The following C9 variants were observed in gnomAD, a reference collection of about 807,000 sequenced individuals.
C9 encodes the protein complement C9.
C9 carries 63 observed loss-of-function variants against 65.4 expected under a neutral mutation model. That is an observed-to-expected ratio of 0.96 (90% CI 0.79 to 1.19). C9 has a LOEUF of 1.19. C9 is among the 50% of genes most tolerant of loss of function. The pLI, the probability that C9 is intolerant of heterozygous loss-of-function variation, is 0.00. For missense variants in C9, 744 were observed against 670.1 expected, an observed-to-expected ratio of 1.11 and a Z score of -1.22; for synonymous variants, 229 against 227.9, an observed-to-expected ratio of 1.00 and a Z score of -0.04.
At chr5:39,300,339 G>C (rs1370629345) in intron 9 of C9, among the ~76,000 whole-genome samples, 2 of 152,202 alleles carry the variant, frequency 1.3e-5, no homozygotes, top group African/African-American at 4.8e-5. Context: ...TTGAAGCCAG[G>C]AGGTGGAGGT....
chr5:39,314,285 A>G (rs1482066024), intron 6 of C9, among the ~76,000 whole-genome samples: 1 of 151,964 alleles, frequency 6.6e-6, no homozygotes, highest in Non-Finnish European at 1.5e-5. Context: ...CCCCATTTCT[A>G]CTAAAAATAC....
At chr5:39,331,596 C>T in intron 5 of C9, 80 bp downstream of exon 5, 2 of 1,175,828 alleles carry the variant, frequency 1.7e-6, no homozygotes, top group Non-Finnish European at 2.6e-6. Flanking sequence ...CTGAGTTTTT[C>T]ACATTGTTTG....
At chr5:39,293,279 A>G (rs949177044) in intron 9 of C9, among the ~76,000 whole-genome samples, 1 of 152,032 alleles carries the variant, frequency 6.6e-6, no homozygotes, top group Non-Finnish European at 1.5e-5. Flanking sequence ...TAAATGGACA[A>G]AAAGAAATAA....
intron 1 of C9, among the ~76,000 whole-genome samples, chr5:39,362,186 T>C (rs1430211710): frequency 3.9e-5 from 6 of 152,148 alleles, no homozygotes; most frequent in Non-Finnish European, 8.8e-5. Context: ...AGATAATTAT[T>C]TGGTCCTAAG....
At chr5:39,352,671 T>C (rs1271310938) in intron 1 of C9, among the ~76,000 whole-genome samples, 1 of 152,182 alleles carries the variant, frequency 6.6e-6, no homozygotes, top group Non-Finnish European at 1.5e-5. Context: ...GTTTTTCTTG[T>C]CTACACCAAC....
chr5:39,299,152 A>G (rs1379060409), intron 9 of C9, among the ~76,000 whole-genome samples: 3 of 151,994 alleles, frequency 2.0e-5, no homozygotes, highest in East Asian at 3.9e-4. Flanking sequence ...GAAATAAAAT[A>G]CATAGAGATT....
chr5:39,336,670 G>A (rs943232690), intron 4 of C9, among the ~76,000 whole-genome samples: 1 of 152,086 alleles, frequency 6.6e-6, no homozygotes, highest in African/African-American at 2.4e-5. Context: ...AAGAGACAGT[G>A]TTCAGTATCA....
intron 7 of C9, 55 bp downstream of exon 7, chr5:39,311,082 A>T: frequency 6.3e-7 from 1 of 1,597,270 alleles, no homozygotes; most frequent in Non-Finnish European, 8.6e-7. Context: ...TTGGTGAACA[A>T]AATAATGTTT....
At chr5:39,327,085 A>T (rs1753758391) in intron 5 of C9, among the ~76,000 whole-genome samples, 1 of 152,196 alleles carries the variant, frequency 6.6e-6, no homozygotes, top group Admixed American at 6.5e-5. Context: ...AAATCAAAGC[A>T]TATTGCATTT....
chr5:39,339,778 G>C (rs889120574), intron 4 of C9, among the ~76,000 whole-genome samples: 2 of 144,836 alleles, frequency 1.4e-5, no homozygotes, highest in African/African-American at 5.1e-5. Flanking sequence ...TCCTGCCTCA[G>C]CCTCCCAAGT....
intron 9 of C9, among the ~76,000 whole-genome samples, chr5:39,304,116 C>A (rs1004279618): frequency 6.6e-6 from 1 of 151,888 alleles, no homozygotes; most frequent in Non-Finnish European, 1.5e-5. Flanking sequence ...GGAACTTAAC[C>A]CATTCATTAG....
intron 4 of C9, among the ~76,000 whole-genome samples, chr5:39,340,754 C>T (rs1754061450): frequency 6.6e-6 from 1 of 152,132 alleles, no homozygotes; most frequent in African/African-American, 2.4e-5. Context: ...GACAGCCTTC[C>T]CAGCAATGCA....
intron 9 of C9, among the ~76,000 whole-genome samples, chr5:39,300,880 T>C (rs1176109484): frequency 1.3e-5 from 2 of 152,170 alleles, no homozygotes; most frequent in Admixed American, 1.3e-4. Context: ...TTTCTTGCTT[T>C]ATTTCACTGG....
intron 10 of C9, 30 bp downstream of exon 10, chr5:39,288,693 C>G (rs1408268038): frequency 7.7e-7 from 1 of 1,294,032 alleles, no homozygotes; most frequent in Non-Finnish European, 1.1e-6. Context: ...ATATTTTTGT[C>G]TTTAATCACA....
intron 7 of C9, among the ~76,000 whole-genome samples, chr5:39,309,504 AAG>A (rs1167408001): frequency 1.3e-5 from 2 of 152,128 alleles, no homozygotes; most frequent in African/African-American, 2.4e-5. Flanking sequence ...ATGGGAAGGG[AAG>A]AGAGAGGATA....
intron 5 of C9, among the ~76,000 whole-genome samples, chr5:39,317,366 T>C (rs931112951): frequency 5.1e-4 from 77 of 152,348 alleles, no homozygotes; most frequent in Middle Eastern, 3.4e-3. Context: ...ATCCCGTTTG[T>C]CAATTTTTGT....
chr5:39,314,729 G>A (rs1270698121), intron 6 of C9, among the ~76,000 whole-genome samples: 1 of 152,126 alleles, frequency 6.6e-6, no homozygotes, highest in East Asian at 1.9e-4. Flanking sequence ...CAAAGCTTTG[G>A]TTACTTCTCA....
At position 39,288,819 on chromosome 5, in the gene C9, C is replaced by G. The variant is rs966547815; in HGVS notation, c.1549G>C (p.Gly517Arg). Residue 517 changes from glycine to arginine, a missense_variant, in exon 10 of 11, where the codon GGT becomes CGT. Coordinates refer to ENST00000263408, the MANE Select transcript of C9 (RefSeq NM_001737.5). ...TTTCCATCCATTAGAATCACTGTACCTCCATTTTGGCATGTGTGGCATTTT... is the reference window on the plus strand; with the variant it reads ...TTTCCATCCATTAGAATCACTGTACGTCCATTTTGGCATGTGTGGCATTTT... ...VRKCHTCQNGGTVILMDGKCL... is the reference protein window; with the variant it reads ...VRKCHTCQNGRTVILMDGKCL... The G allele has an allele frequency of 6.2e-7, 1 of 1,611,888 alleles. No individual in the cohort carries two copies. Among genetic ancestry groups the G allele is most frequent in the African/African-American group, 1.3e-5 (1 of 74,894 alleles).
chr5:39,347,355 C>A (rs557996558), intron 1 of C9, among the ~76,000 whole-genome samples: 20 of 151,886 alleles, frequency 1.3e-4, no homozygotes, highest in South Asian at 6.2e-4. Context: ...TGCAAAAATC[C>A]CAAGCATTCT....
Sources: gnomAD v4.1 joint callset for allele counts (sites outside exome capture counted in the v4.1 genomes callset) on GRCh38, gnomAD v4.1.1 for gene constraint, MANE v1.5 for transcripts, NCBI Gene and HGNC (gene_info 2026-07-23, HGNC 2026-07-21) for gene names.